Variants in PHF6 observed in about 807,000 individuals in gnomAD.
The protein encoded by PHF6 is PHD finger protein 6.
Under a neutral mutation model 34.0 loss-of-function variants are expected in PHF6, and 7 were observed. The ratio of observed to expected loss-of-function variants is 0.21; its 90% CI spans 0.12 to 0.39. The LOEUF (loss-of-function observed/expected upper bound fraction) is 0.39, where lower values mean the gene tolerates loss of function less well. PHF6 is among the 10% of genes least tolerant of loss of function. PHF6 has a pLI of 1.00. For synonymous variants in PHF6, 89 were observed against 88.4 expected, an observed-to-expected ratio of 1.01 and a Z score of -0.04; for missense variants, 128 against 262.8, an observed-to-expected ratio of 0.49 and a Z score of 3.55.
At chrX:134,383,095 T>A (rs980601179) in intron 3 of PHF6, among the ~76,000 whole-genome samples, 1 of 109,982 alleles carries the variant, frequency 9.1e-6, no homozygotes, top group Non-Finnish European at 1.9e-5. Flanking sequence ...AATTTAAAAA[T>A]TTTGAAATGT....
chrX:134,388,117 G>A (rs2077339272), intron 3 of PHF6, among the ~76,000 whole-genome samples: 1 of 111,640 alleles, frequency 9.0e-6, no homozygotes, highest in Non-Finnish European at 1.9e-5. Flanking sequence ...AACTAAAACA[G>A]CAGTTAACCA....
At chrX:134,378,979 T>A (rs1007136219) in intron 3 of PHF6, among the ~76,000 whole-genome samples, 1 of 112,178 alleles carries the variant, frequency 8.9e-6, no homozygotes, top group Non-Finnish European at 1.9e-5. Flanking sequence ...TAAAATTACA[T>A]CCATAAATGC....
rs1388278593 is a variant in PHF6 at position 134,413,531 on chromosome X, C to G, written c.459C>G (p.Pro153=). ...EESFNEHELE[P]SSPKSKKKSR... ...GTTTTAATGAACATGAACTGGAGCC[C>G]TCATCACCTAAAAGTAAAAAGAAAA... The change falls in exon 6 of 11, where the codon CCC becomes CCG. Residue 153 remains proline (P), a synonymous_variant. Transcript: ENST00000370803. The G allele has an allele frequency of 1.7e-5, 20 of 1,210,360 alleles. No individual in the cohort carries two copies. Among genetic ancestry groups the G allele is most frequent in the Non-Finnish European group, 2.2e-5 (20 of 895,191 alleles).
chrX:134,422,182 C>G (rs919167364), intron 9 of PHF6, among the ~76,000 whole-genome samples: 2 of 111,355 alleles, frequency 1.8e-5, no homozygotes, highest in African/African-American at 3.3e-5. Flanking sequence ...CCCAGCCTCC[C>G]AAAATGCTGG....
intron 3 of PHF6, among the ~76,000 whole-genome samples, chrX:134,379,775 TTGG>T (rs1340527709): frequency 9.0e-6 from 1 of 111,582 alleles, no homozygotes; most frequent in Non-Finnish European, 1.9e-5. Flanking sequence ...TGGATTTTAT[TTGG>T]TGGTTTTAGG....
At chrX:134,400,221 G>A (rs1027184845) in intron 5 of PHF6, among the ~76,000 whole-genome samples, 3 of 110,222 alleles carry the variant, frequency 2.7e-5, no homozygotes, top group African/African-American at 9.9e-5. Context: ...TAGAACCACA[G>A]GCATGTGCCA....
rs2077512553 is a variant in PHF6, at chrX:134,427,921, T to C, written c.*2261T>C. 1 of 153,437 alleles carries C rather than the reference T, an allele frequency of 6.5e-6. No homozygotes were observed. The highest frequency in any genetic ancestry group is 3.3e-4 in the South Asian group (1 of 2,993). The allele number at this position is 153,437 out of a possible 1,213,427, so 12.6% of individuals were successfully genotyped here. A position where few individuals can be genotyped will look rare whatever the true frequency, so the allele number is the denominator to read the frequency against. On this transcript the variant is annotated 3_prime_UTR_variant, in exon 11 of 11. Coordinates refer to ENST00000370803, the MANE Select transcript of PHF6 (RefSeq NM_001015877.2). ...CATCATCTTCTGGGTAGTAATTACA[T>C]TGTGGTATTAATATTTAGAAAAATG... is the stretch of plus-strand genomic sequence containing the variant.
intron 5 of PHF6, among the ~76,000 whole-genome samples, chrX:134,394,376 C>T (rs2077367727): frequency 9.0e-6 from 1 of 111,156 alleles, no homozygotes; most frequent in Non-Finnish European, 1.9e-5. Flanking sequence ...TCGTGATCCA[C>T]CTGCCTCAGC....
intron 5 of PHF6, among the ~76,000 whole-genome samples, chrX:134,402,780 C>T (rs2077408041): frequency 8.9e-6 from 1 of 112,216 alleles, no homozygotes; most frequent in South Asian, 3.7e-4. Flanking sequence ...AGGATATGCT[C>T]ACTTTGTTTC....
chrX:134,419,147 C>T (rs751723230), intron 9 of PHF6: 7 of 111,514 alleles, frequency 6.3e-5, no homozygotes, highest in African/African-American at 2.3e-4. Context: ...CCATGCCCAG[C>T]CACAATCTCA....
At chrX:134,373,977 T>C (rs2077268164) in intron 1 of PHF6, among the ~76,000 whole-genome samples, 3 of 110,196 alleles carry the variant, frequency 2.7e-5, no homozygotes, top group Admixed American at 9.6e-5. Flanking sequence ...GGTAGGATGA[T>C]ATTTTCCTAG....
In PHF6 at chrX:134,415,407, A is replaced by T. The variant is rs748869675; in HGVS notation, c.834+287A>T. 2.6e-5 allele frequency: 10 copies of T among 379,184 alleles called. No homozygotes were observed. The South Asian group carries it at 5.8e-4, about 22-fold the overall frequency. 31.2% of individuals were successfully genotyped at this position (379,184 alleles called of 1,213,427 possible). On this transcript the variant is annotated intron_variant, in intron 8 of 10. Transcript: ENST00000370803. ...AATAAATGAAGATATGAATGTGACA[A>T]ACTTCATTAAGTTTAAAATGTTACA... is the stretch of plus-strand genomic sequence containing the variant.
At chrX:134,374,415 A>G (rs1013740512) in intron 1 of PHF6, among the ~76,000 whole-genome samples, 2 of 112,183 alleles carry the variant, frequency 1.8e-5, no homozygotes, top group East Asian at 5.6e-4. Context: ...GCATGTAATA[A>G]TATCGTGCAA....
At chrX:134,423,309 C>T (rs1437581248) in intron 9 of PHF6, among the ~76,000 whole-genome samples, 4 of 111,723 alleles carry the variant, frequency 3.6e-5, no homozygotes, top group Non-Finnish European at 5.6e-5. Context: ...ATACTTGTCC[C>T]CTTACTTATT....
chrX:134,422,771 G>T (rs1203244770), intron 9 of PHF6, among the ~76,000 whole-genome samples: 1 of 111,396 alleles, frequency 9.0e-6, no homozygotes, highest in Non-Finnish European at 1.9e-5. Flanking sequence ...TGACAGCAGG[G>T]ACCTTGTTTG....
chrX:134,408,116 C>T (rs904090046), intron 5 of PHF6, among the ~76,000 whole-genome samples: 11 of 111,053 alleles, frequency 9.9e-5, no homozygotes, highest in Non-Finnish European at 1.5e-4. Flanking sequence ...TTAGTAGAGA[C>T]GGGGTTTCAC....
At chrX:134,411,854 TC>T (rs2077452375) in intron 5 of PHF6, among the ~76,000 whole-genome samples, 1 of 111,335 alleles carries the variant, frequency 9.0e-6, no homozygotes, top group Non-Finnish European at 1.9e-5. Context: ...TGCCTCAGCC[TC>T]CCGATTAGCT....
At chrX:134,420,742 G>A in intron 9 of PHF6, among the ~76,000 whole-genome samples, 1 of 110,395 alleles carries the variant, frequency 9.1e-6, no homozygotes, top group Non-Finnish European at 1.9e-5. Flanking sequence ...ACAGGCACAC[G>A]TGACCATGCC....
intron 5 of PHF6, among the ~76,000 whole-genome samples, chrX:134,394,525 C>T (rs1005194228): frequency 3.7e-5 from 4 of 109,101 alleles, no homozygotes; most frequent in East Asian, 2.9e-4. Context: ...CTGGTGGCTG[C>T]GTGTTTCATT....
Sources: allele counts gnomAD v4.1 joint callset (sites outside exome capture counted in the v4.1 genomes callset), GRCh38; gene constraint gnomAD v4.1.1; transcripts MANE v1.5; gene names NCBI Gene and HGNC (gene_info 2026-07-23, HGNC 2026-07-21).